Variants in RECK observed in about 807,000 individuals in gnomAD.
RECK encodes the protein reversion inducing cysteine rich protein with kazal motifs, also known as reversion-inducing cysteine-rich protein with Kazal motifs.
A neutral mutation model predicts 115.1 loss-of-function variants in RECK; 69 were observed. The observed-to-expected ratio is 0.60, with a 90% CI of 0.49 to 0.73. The LOEUF is 0.73. Among genes scored for constraint, RECK ranks in the 30% least tolerant of loss-of-function variants. The probability of loss-of-function intolerance (pLI) is 0.00; values close to 1 mark genes in which losing one functional copy is unlikely to be tolerated. For missense variants in RECK, 1,047 were observed against 1,203.7 expected (o/e 0.87, Z 1.93); for synonymous variants, 414 against 419.7 (o/e 0.99, Z 0.17).
At chr9:36,040,730 TAGG>T (rs1388046732) in intron 1 of RECK, among the ~76,000 whole-genome samples, 2 of 151,264 alleles carry the variant, frequency 1.3e-5, no homozygotes, top group African/African-American at 4.9e-5. Flanking sequence ...GGTGTGGAGA[TAGG>T]AGAGGGGATA....
rs1820681166 is a variant in RECK at position 36,036,933 on chromosome 9, G to C, written c.-66G>C. 2 of 1,082,988 alleles carry C rather than the reference G, an allele frequency of 1.8e-6. No homozygotes were observed. The highest frequency in any genetic ancestry group is 2.4e-6 in the Non-Finnish European group (2 of 838,684). 67.1% of individuals were successfully genotyped at this position (1,082,988 alleles called of 1,614,324 possible). A position where few individuals can be genotyped will look rare whatever the true frequency, so the allele number is the denominator to read the frequency against. ...GCCTCGCGCGAGCGGCGGCGGTAGC[G>C]GCGGCAGCGGCTGCGGCCAAGCTGG... On this transcript the variant is annotated 5_prime_UTR_variant, in exon 1 of 21. Coordinates refer to ENST00000377966, the MANE Select transcript of RECK (RefSeq NM_021111.3).
chr9:36,050,107 A>G (rs898873904), intron 1 of RECK, among the ~76,000 whole-genome samples: 2 of 152,200 alleles, frequency 1.3e-5, no homozygotes, highest in African/African-American at 4.8e-5. Context: ...GGCTTTAAAT[A>G]TCATCTACAT....
At chr9:36,116,953 T>C (rs768559275) in intron 16 of RECK, 32 bp from the exon 17 acceptor site, 7 of 1,573,146 alleles carry the variant, frequency 4.4e-6, no homozygotes, top group Non-Finnish European at 6.1e-6. Context: ...CCTCCCTACA[T>C]TGGCTCATGG....
At chr9:36,037,963 T>G (rs149956658) in intron 1 of RECK, among the ~76,000 whole-genome samples, 31 of 140,760 alleles carry the variant, frequency 2.2e-4, no homozygotes, top group African/African-American at 7.8e-4. Flanking sequence ...GCAAAAGTGG[T>G]GAAGTGCATT....
At chr9:36,080,913 A>G (rs530780513) in intron 7 of RECK, among the ~76,000 whole-genome samples, 1 of 152,362 alleles carries the variant, frequency 6.6e-6, no homozygotes, top group Admixed American at 6.5e-5. Context: ...GCTACGTCTC[A>G]GTTCATTCAA....
intron 5 of RECK, among the ~76,000 whole-genome samples, chr9:36,064,963 G>A (rs1392111905): frequency 6.6e-6 from 1 of 151,956 alleles, no homozygotes; most frequent in Admixed American, 6.6e-5. Flanking sequence ...CTTAAATATG[G>A]CAAATAGCTT....
chr9:36,112,275 C>T, intron 15 of RECK, 30 bp from the exon 16 acceptor site: 1 of 1,608,140 alleles, frequency 6.2e-7, no homozygotes, highest in Non-Finnish European at 8.5e-7. Context: ...TATACACATA[C>T]ATATTTTTGA....
chr9:36,070,637 A>G (rs1822191218), intron 6 of RECK, among the ~76,000 whole-genome samples: 1 of 152,210 alleles, frequency 6.6e-6, no homozygotes, highest in Non-Finnish European at 1.5e-5. Flanking sequence ...ACTTCCTATC[A>G]CTGGAAATGT....
chr9:36,099,224 TCAACAACAACAACAACAA>T lies in RECK; in HGVS notation c.1086-1077_1086-1060del, dbSNP rs60403523. Among the ~76,000 whole-genome samples the T allele has an allele frequency of 2.0e-3, 299 of 146,982 alleles. 6 individuals are homozygous for T. The East Asian group carries it at 0.034, about 17-fold the overall frequency. Reference sequence around the variant, plus strand: ...CTGGGTGACAGAGTGAGAACCTGTCTCAACAACAACAACAACAACAACAACAACAACAACAACAACAAC... The same window carrying T: ...CTGGGTGACAGAGTGAGAACCTGTCTCAACAACAACAACAACAACAACAAC... On this transcript the variant is annotated intron_variant, in intron 10 of 20. Coordinates refer to ENST00000377966, the MANE Select transcript of RECK (RefSeq NM_021111.3).
intron 7 of RECK, among the ~76,000 whole-genome samples, chr9:36,081,920 A>G (rs529014925): frequency 6.6e-6 from 1 of 152,124 alleles, no homozygotes; most frequent in Non-Finnish European, 1.5e-5. Flanking sequence ...TGCAAGTTTA[A>G]AAGAGGCGGT....
At position 36,038,047 on chromosome 9, in the gene RECK, T is replaced by A. The variant is rs946541668; in HGVS notation, c.100+949T>A. Among the ~76,000 whole-genome samples, 6 of 145,804 alleles carry A rather than the reference T, an allele frequency of 4.1e-5. No individual in the cohort carries two copies. The Admixed American group carries it at 4.1e-4, about 10-fold the overall frequency. ...GCAAAGTCAGCCGGGTGCGGTAGGC[T>A]CTCCCCTGTAATCCCAGCACTTTGG... On this transcript the variant is annotated intron_variant, in intron 1 of 20. Transcript: ENST00000377966.
At chr9:36,039,833 T>C (rs1820808766) in intron 1 of RECK, among the ~76,000 whole-genome samples, 1 of 152,206 alleles carries the variant, frequency 6.6e-6, no homozygotes, top group East Asian at 1.9e-4. Context: ...GCAGATTCTC[T>C]TACCAAAGAA....
chr9:36,095,322 A>G (rs1331771591), intron 10 of RECK, among the ~76,000 whole-genome samples: 2 of 152,236 alleles, frequency 1.3e-5, no homozygotes, highest in Admixed American at 6.5e-5. Flanking sequence ...TCTTATAACT[A>G]TTAGAGAAAT....
In RECK at chr9:36,102,188, A is replaced by G. The variant is rs145575211; in HGVS notation, c.1393A>G (p.Thr465Ala). 46 of 1,613,752 alleles carry G rather than the reference A, an allele frequency of 2.9e-5. No homozygotes were observed. The African/African-American group carries it at 5.2e-4, about 18-fold the overall frequency. The change falls in exon 12 of 21, where the codon ACA becomes GCA. Residue 465 changes from threonine to alanine, a missense_variant. Transcript: ENST00000377966. Reference sequence around the variant, plus strand: ...AAGTATTTGTGAGCTTCTGTCACCTACAGATGATCTGAAGAATTGTATACC... The same window carrying G: ...AAGTATTTGTGAGCTTCTGTCACCTGCAGATGATCTGAAGAATTGTATACC... ...AESICELLSP[T>A]DDLKNCIPLD...
At chr9:36,043,576 G>A (rs1483240014) in intron 1 of RECK, among the ~76,000 whole-genome samples, 1 of 151,520 alleles carries the variant, frequency 6.6e-6, no homozygotes, top group East Asian at 1.9e-4. Flanking sequence ...TAGGGTTCTC[G>A]GTCATAAAGT....
chr9:36,050,547 A>G (rs185427863), intron 1 of RECK, among the ~76,000 whole-genome samples: 27 of 152,202 alleles, frequency 1.8e-4, no homozygotes, highest in Admixed American at 9.8e-4. Context: ...ACTCCTGTGT[A>G]TTATATTTTT....
rs751030271 is a variant in RECK at position 36,102,156 on chromosome 9, C to G, written c.1361C>G (p.Thr454Arg). ...GDQNKFPEDH[T>R]AESICELLSP... ...CAGAACAAATTCCCTGAAGACCACA[C>G]AGCTGAAAGTATTTGTGAGCTTCTG... The change falls in exon 12 of 21, where the codon ACA becomes AGA. Residue 454 changes from threonine to arginine, a missense_variant. Physicochemically the swap from Thr to Arg is moderately conservative, Grantham distance 71. Coordinates refer to ENST00000377966, the MANE Select transcript of RECK (RefSeq NM_021111.3). 9.9e-6 allele frequency: 16 copies of G among 1,613,068 alleles called. No individual in the cohort carries two copies. The highest frequency in any genetic ancestry group is 1.3e-5 in the Non-Finnish European group (15 of 1,179,112).
At position 36,108,561 on chromosome 9, in the gene RECK, C is replaced by T. The variant is rs529492877; in HGVS notation, c.1765+397C>T. Among the ~76,000 whole-genome samples the T allele has an allele frequency of 3.9e-5, 6 of 152,236 alleles. No homozygotes were observed. The East Asian group carries it at 1.2e-3, about 29-fold the overall frequency. On this transcript the variant is annotated intron_variant, in intron 14 of 20. Coordinates refer to ENST00000377966, the MANE Select transcript of RECK (RefSeq NM_021111.3). ...TAAATGACCAAAGCTGGATTCTGCTCCAGGTCTAGTTGACTCCAAATCCCT... is the reference window on the plus strand; with the variant it reads ...TAAATGACCAAAGCTGGATTCTGCTTCAGGTCTAGTTGACTCCAAATCCCT...
At chr9:36,060,253 G>A (rs1265722818) in intron 4 of RECK, 98 bp downstream of exon 4, 43 of 1,224,330 alleles carry the variant, frequency 3.5e-5, no homozygotes, top group African/African-American at 6.0e-5. Context: ...TTTATACTCT[G>A]GAGTTTCTAT....
Sources: gnomAD v4.1 joint callset for allele counts (sites outside exome capture counted in the v4.1 genomes callset) on GRCh38, gnomAD v4.1.1 for gene constraint, MANE v1.5 for transcripts, NCBI Gene and HGNC (gene_info 2026-07-23, HGNC 2026-07-21) for gene names.